FOXN3: variants seen among roughly 807,000 people sequenced by gnomAD.
FOXN3 encodes forkhead box protein N3.
Under a neutral mutation model 38.4 loss-of-function variants are expected in FOXN3, and 7 were observed. The ratio of observed to expected loss-of-function variants is 0.18; its 90% confidence interval spans 0.10 to 0.34. The LOEUF (loss-of-function observed/expected upper bound fraction) is 0.34. FOXN3 is among the 10% of genes least tolerant of loss of function. The pLI, the probability that FOXN3 is intolerant of heterozygous loss-of-function variation, is 1.00. For synonymous variants in FOXN3, 230 were observed against 242.2 expected, an observed-to-expected ratio of 0.95 and a Z score of 0.47; for missense variants, 456 against 613.4, an observed-to-expected ratio of 0.74 and a Z score of 2.71.
intron 2 of FOXN3, among the ~76,000 whole-genome samples, chr14:89,388,635 T>TGCA (rs1478884562): frequency 4.6e-5 from 7 of 152,122 alleles, no homozygotes; most frequent in African/African-American, 1.7e-4. Context: ...AATGTGTAAA[T>TGCA]GCACCTGGAG....
intron 1 of FOXN3, among the ~76,000 whole-genome samples, chr14:89,432,147 G>A (rs1892172259): frequency 6.6e-6 from 1 of 152,162 alleles, no homozygotes; most frequent in South Asian, 2.1e-4. Flanking sequence ...CTGGATCCCT[G>A]TCACCTCTCT....
intron 1 of FOXN3, among the ~76,000 whole-genome samples, chr14:89,470,738 GCA>G (rs1893077130): frequency 6.6e-6 from 1 of 152,182 alleles, no homozygotes; most frequent in Non-Finnish European, 1.5e-5. Flanking sequence ...AACAAGCCAG[GCA>G]CAGACACAGG....
At chr14:89,481,138 A>G (rs1001157460) in intron 1 of FOXN3, among the ~76,000 whole-genome samples, 1 of 149,088 alleles carries the variant, frequency 6.7e-6, no homozygotes, top group Non-Finnish European at 1.5e-5. Flanking sequence ...CCCTGCACTC[A>G]GTTTCTCCTG....
At chr14:89,553,235 T>A (rs1596315493) in intron 1 of FOXN3, among the ~76,000 whole-genome samples, 1 of 67,644 alleles carries the variant, frequency 1.5e-5, no homozygotes, top group South Asian at 5.7e-4. Context: ...CGAGACCCTG[T>A]CCCAAAAAAA....
At chr14:89,584,625 T>C (rs543296982) in intron 1 of FOXN3, among the ~76,000 whole-genome samples, 124 of 152,350 alleles carry the variant, frequency 8.1e-4, no homozygotes, top group African/African-American at 3.0e-3. Context: ...TAAAGATTTA[T>C]AATATGAATA....
rs1886977836 is a variant in FOXN3 at position 89,156,287 on chromosome 14, AAT to A, written c.*6125_*6126del. The A allele has an allele frequency of 6.6e-6, 1 of 152,648 alleles. No individual in the cohort carries two copies. Among genetic ancestry groups the A allele is most frequent in the South Asian group, 2.1e-4 (1 of 4,838 alleles). The allele number at this position is 152,648 out of a possible 1,614,324, so 9.5% of individuals were successfully genotyped here. ...AAGTGTTATTTACAATAAATGATGA[AAT>A]AGTTTGTCTTTGGCAATATGATTAC... On this transcript the variant is annotated 3_prime_UTR_variant, in exon 6 of 6. Coordinates refer to ENST00000557258, the MANE Select transcript of FOXN3 (RefSeq NM_005197.4).
At chr14:89,314,706 A>C (rs1218373430) in intron 3 of FOXN3, among the ~76,000 whole-genome samples, 2 of 152,226 alleles carry the variant, frequency 1.3e-5, no homozygotes, top group Non-Finnish European at 2.9e-5. Context: ...GAAAAGACAG[A>C]CATGAGATGG....
At chr14:89,370,775 A>C (rs1048187644) in intron 2 of FOXN3, among the ~76,000 whole-genome samples, 4 of 152,206 alleles carry the variant, frequency 2.6e-5, no homozygotes, top group Non-Finnish European at 5.9e-5. Context: ...AATTACACTC[A>C]ACTCCGGATA....
chr14:89,266,440 C>T (rs891585387), intron 4 of FOXN3, among the ~76,000 whole-genome samples: 7 of 151,990 alleles, frequency 4.6e-5, no homozygotes, highest in South Asian at 2.1e-4. Context: ...CAGTCACATG[C>T]GGGGCGGTGG....
chr14:89,607,149 T>TG (rs1224595148), intron 1 of FOXN3, among the ~76,000 whole-genome samples: 1 of 152,210 alleles, frequency 6.6e-6, no homozygotes, highest in East Asian at 1.9e-4. Flanking sequence ...GGGTGTTAAC[T>TG]GGTACAGCCA....
chr14:89,551,933 C>T (rs1361880528), intron 1 of FOXN3, among the ~76,000 whole-genome samples: 3 of 152,284 alleles, frequency 2.0e-5, no homozygotes, highest in African/African-American at 7.2e-5. Context: ...TCATGCAACA[C>T]CCCCAAAAGC....
At chr14:89,281,764 GTAGGTTA>G (rs1886469916) in intron 3 of FOXN3, among the ~76,000 whole-genome samples, 2 of 152,140 alleles carry the variant, frequency 1.3e-5, no homozygotes, top group Non-Finnish European at 2.9e-5. Context: ...AGAGTGGAAA[GTAGGTTA>G]TATTCTAAAT....
chr14:89,207,167 G>T (rs543386377), intron 4 of FOXN3, among the ~76,000 whole-genome samples: 1 of 152,176 alleles, frequency 6.6e-6, no homozygotes, highest in South Asian at 2.1e-4. Context: ...GTTGCAGTGA[G>T]CCGAGACGCA....
intron 1 of FOXN3, among the ~76,000 whole-genome samples, chr14:89,599,980 G>A (rs1896126327): frequency 6.6e-6 from 1 of 152,182 alleles, no homozygotes; most frequent in Non-Finnish European, 1.5e-5. Context: ...CAAAAGCAGA[G>A]TTCACCTCTC....
intron 1 of FOXN3, among the ~76,000 whole-genome samples, chr14:89,469,867 C>T (rs952830995): frequency 6.6e-6 from 1 of 152,230 alleles, no homozygotes; most frequent in African/African-American, 2.4e-5. Context: ...CTGTGAAGTG[C>T]AACACAAACA....
At chr14:89,330,652 C>G (rs1385643502) in intron 3 of FOXN3, among the ~76,000 whole-genome samples, 1 of 152,332 alleles carries the variant, frequency 6.6e-6, no homozygotes, top group South Asian at 2.1e-4. Flanking sequence ...AAACCATAAA[C>G]GATGTTTTTC....
rs374824774 is a variant in FOXN3, at chr14:89,441,992, T to C, written c.-14-29502A>G. Among the ~76,000 whole-genome samples, 6 of 149,588 alleles carry C rather than the reference T, an allele frequency of 4.0e-5. No homozygotes were observed. In the East Asian group the frequency reaches 1.2e-3, roughly 30 times the overall value. ...CCCGGGCTGGAGTGCAATGGCATGA[T>C]CTCGGCTCACCGCAACCTCCGCCTC... On this transcript the variant is annotated intron_variant, in intron 1 of 6. Coordinates refer to the FOXN3 transcript ENST00000345097.
At chr14:89,199,576 A>G (rs60137734) in intron 4 of FOXN3, among the ~76,000 whole-genome samples, 28,677 of 151,970 alleles carry the variant, frequency 0.19, 2,911 homozygotes, top group African/African-American at 0.26. Context: ...TGAGTGGGGG[A>G]CTCGGGGGGA....
At chr14:89,437,060 T>C (rs1892288477) in intron 1 of FOXN3, among the ~76,000 whole-genome samples, 1 of 151,844 alleles carries the variant, frequency 6.6e-6, no homozygotes, top group South Asian at 2.1e-4. Flanking sequence ...GACAGGAGAA[T>C]CAATTGAACA....
Sources: gnomAD v4.1 joint callset for allele counts (sites outside exome capture counted in the v4.1 genomes callset) on GRCh38, gnomAD v4.1.1 for gene constraint, MANE v1.5 for transcripts, NCBI Gene and HGNC (gene_info 2026-07-23, HGNC 2026-07-21) for gene names.